Variants in ADH7 observed in about 807,000 individuals in gnomAD.
The protein encoded by ADH7 is all-trans-retinol dehydrogenase [NAD(+)] ADH7.
ADH7 carries 41 observed loss-of-function variants against 34.4 expected under a neutral mutation model. That is an observed-to-expected ratio of 1.19 (90% confidence interval 0.93 to 1.55). The LOEUF (loss-of-function observed/expected upper bound fraction) is 1.55. ADH7 is among the 40% of genes most tolerant of loss of function. The pLI is 0.00. For synonymous variants in ADH7, 180 were observed against 160.9 expected, an observed-to-expected ratio of 1.12 and a Z score of -0.90; for missense variants, 540 against 461.2, an observed-to-expected ratio of 1.17 and a Z score of -1.56.
intron 1 of ADH7, among the ~76,000 whole-genome samples, chr4:99,434,862 G>A (rs907092274): frequency 2.6e-5 from 4 of 152,280 alleles, no homozygotes; most frequent in African/African-American, 7.2e-5. Flanking sequence ...AGCGAGTGCA[G>A]CACATGCTAC....
intron 8 of ADH7, among the ~76,000 whole-genome samples, chr4:99,414,286 G>A (rs1251201219): frequency 6.6e-6 from 1 of 151,830 alleles, no homozygotes; most frequent in Non-Finnish European, 1.5e-5. Flanking sequence ...GACCAAATGT[G>A]GAGACAAGAC....
intron 5 of ADH7, among the ~76,000 whole-genome samples, chr4:99,421,236 C>T (rs572416935): frequency 2.0e-5 from 3 of 152,198 alleles, no homozygotes; most frequent in South Asian, 2.1e-4. Context: ...CATCATGCTA[C>T]CAGCCTTCAA....
chr4:99,428,692 ATATT>A lies in ADH7; in HGVS notation c.121-66_121-63del, dbSNP rs1163816125. The A allele has an allele frequency of 1.0e-5, 16 of 1,539,456 alleles. No homozygotes were observed. The African/African-American group carries it at 1.8e-4, about 17-fold the overall frequency. On this transcript the variant is annotated intron_variant, in intron 2 of 8. Coordinates refer to ENST00000437033, the MANE Select transcript of ADH7 (RefSeq NM_000673.7). Reference sequence around the variant, plus strand: ...AACTGATCATTTCACTGTTGGGAGAATATTTAACTTCTTGAAGAAATTATAATTG... The same window carrying A: ...AACTGATCATTTCACTGTTGGGAGAATAACTTCTTGAAGAAATTATAATTG...
At chr4:99,434,983 C>A in intron 1 of ADH7, 1 of 1,411,294 alleles carries the variant, frequency 7.1e-7, no homozygotes, top group South Asian at 1.2e-5. Flanking sequence ...TCTCTATTTT[C>A]CACCAATGTC....
intron 6 of ADH7, 116 bp from the exon 7 acceptor site, chr4:99,419,237 T>G (rs1579573193): frequency 7.7e-7 from 1 of 1,302,104 alleles, no homozygotes; most frequent in Non-Finnish European, 1.0e-6. Flanking sequence ...GCCACCTTGT[T>G]TTTTACTTGC....
Position 99,413,045 on chromosome 4 carries a change from A to G in ADH7, c.*103T>C. ...TATGTCTTCAACAAATCTTCTACTT[A>G]TGCTTGTATTTGTGAGACAGATACA... On this transcript the variant is annotated 3_prime_UTR_variant, in exon 9 of 9. Transcript: ENST00000437033. 2 of 1,212,150 alleles carry G rather than the reference A, an allele frequency of 1.6e-6. No homozygotes were observed. Among genetic ancestry groups the G allele is most frequent in the South Asian group, 2.5e-5 (2 of 78,720 alleles). 75.1% of individuals were successfully genotyped at this position (1,212,150 alleles called of 1,614,324 possible).
intron 5 of ADH7, among the ~76,000 whole-genome samples, chr4:99,426,900 G>A (rs1055831482): frequency 3.3e-5 from 5 of 152,058 alleles, no homozygotes; most frequent in African/African-American, 1.2e-4. Flanking sequence ...TGCAAGGCTG[G>A]TTCAATATAT....
At chr4:99,415,672 ATTATG>A (rs540438292) in intron 7 of ADH7, 56 bp from the exon 8 acceptor site, 140 of 1,529,038 alleles carry the variant, frequency 9.2e-5, no homozygotes, top group Non-Finnish European at 1.2e-4. Context: ...CTTATCTTTT[ATTATG>A]TTATATTTAT....
intron 1 of ADH7, among the ~76,000 whole-genome samples, chr4:99,433,952 C>T (rs1721992731): frequency 6.6e-6 from 1 of 152,118 alleles, no homozygotes; most frequent in Non-Finnish European, 1.5e-5. Flanking sequence ...TAAAGGGAAA[C>T]TCCTTTCAAG....
rs374421303 is a variant in ADH7 at position 99,428,415 on chromosome 4, C to T, written c.259+77G>A. The T allele has an allele frequency of 3.9e-5, 58 of 1,489,096 alleles. 1 individual carries two copies. The South Asian group carries it at 7.2e-4, about 19-fold the overall frequency. The allele number at this position is 1,489,096 out of a possible 1,614,324, so 92.2% of individuals were successfully genotyped here. ...GTGTTAAGGATCCCTCTAATAATTC[C>T]TAGTGTGTGCTATTTCCTTTGATAG... On this transcript the variant is annotated intron_variant, in intron 3 of 8. Coordinates refer to ENST00000437033, the MANE Select transcript of ADH7 (RefSeq NM_000673.7).
chr4:99,416,632 C>A (rs1480748943), intron 7 of ADH7, among the ~76,000 whole-genome samples: 1 of 152,088 alleles, frequency 6.6e-6, no homozygotes, highest in East Asian at 1.9e-4. Flanking sequence ...GTCCTTGGTC[C>A]ATTTCTGTTC....
Position 99,412,564 on chromosome 4 carries a change from C to A in ADH7, c.*584G>T, listed in dbSNP as rs1356827794. ...CATATGATATACTTTTTCAGTTTCA[C>A]CAAGTTATGTAATGATGATTCTTAA... is the stretch of plus-strand genomic sequence containing the variant. On this transcript the variant is annotated 3_prime_UTR_variant, in exon 9 of 9. Coordinates refer to ENST00000437033, the MANE Select transcript of ADH7 (RefSeq NM_000673.7). The A allele has an allele frequency of 6.6e-6, 1 of 152,034 alleles. No individual in the cohort carries two copies. The highest frequency in any genetic ancestry group is 1.5e-5 in the Non-Finnish European group (1 of 67,978). The allele number at this position is 152,034 out of a possible 1,614,324, so 9.4% of individuals were successfully genotyped here. A position where few individuals can be genotyped will look rare whatever the true frequency, so the allele number is the denominator to read the frequency against.
chr4:99,426,163 A>G (rs1721799824), intron 5 of ADH7, among the ~76,000 whole-genome samples: 1 of 152,204 alleles, frequency 6.6e-6, no homozygotes, highest in East Asian at 1.9e-4. Flanking sequence ...GAAAAACAAG[A>G]GCAAACACAT....
chr4:99,417,550 T>C (rs1040065943), intron 7 of ADH7, among the ~76,000 whole-genome samples: 10 of 152,182 alleles, frequency 6.6e-5, no homozygotes, highest in African/African-American at 2.2e-4. Flanking sequence ...TTACCCATCC[T>C]TTATTATTAT....
At chr4:99,424,983 G>A (rs1438066704) in intron 5 of ADH7, among the ~76,000 whole-genome samples, 1 of 151,958 alleles carries the variant, frequency 6.6e-6, no homozygotes, top group Non-Finnish European at 1.5e-5. Context: ...TCCAGTTTTT[G>A]CCCATTCAGT....
At chr4:99,430,026 G>A (rs1409611750) in intron 1 of ADH7, among the ~76,000 whole-genome samples, 1 of 152,192 alleles carries the variant, frequency 6.6e-6, no homozygotes, top group African/African-American at 2.4e-5. Context: ...TTATTCACAA[G>A]AGACAAATTT....
Position 99,420,659 on chromosome 4 carries a change from C to A in ADH7, c.699G>T (p.Met233Ile). 6.2e-7 allele frequency: 1 copy of A among 1,613,976 alleles called. No homozygotes were observed. Among genetic ancestry groups the A allele is most frequent in the Non-Finnish European group, 8.5e-7 (1 of 1,179,950 alleles). ...TGATACACTCAGTGGCACCTACAGCCATGGCCTTCTCAAATTTGTCTTTGT... is the reference window on the plus strand; with the variant it reads ...TGATACACTCAGTGGCACCTACAGCAATGGCCTTCTCAAATTTGTCTTTGT... ...DLNKDKFEKA[M>I]AVGATECISP... is the part of the protein sequence containing the mutation. Residue 233 changes from methionine to isoleucine, a missense_variant, in exon 6 of 9, where the codon ATG becomes ATT. Physicochemically the swap from Met to Ile is conservative, Grantham distance 10. Coordinates refer to ENST00000437033, the MANE Select transcript of ADH7 (RefSeq NM_000673.7).
intron 7 of ADH7, among the ~76,000 whole-genome samples, chr4:99,417,226 C>G (rs373346894): frequency 6.6e-6 from 1 of 152,088 alleles, no homozygotes; most frequent in Non-Finnish European, 1.5e-5. Flanking sequence ...GGTTTTATTT[C>G]TCTCTCAGAA....
At chr4:99,424,003 T>C (rs914605530) in intron 5 of ADH7, among the ~76,000 whole-genome samples, 3 of 152,006 alleles carry the variant, frequency 2.0e-5, no homozygotes, top group East Asian at 3.9e-4. Flanking sequence ...AGGGTTTTTA[T>C]GGTTTTAGGT....
Sources: allele counts gnomAD v4.1 joint callset (sites outside exome capture counted in the v4.1 genomes callset), GRCh38; gene constraint gnomAD v4.1.1; transcripts MANE v1.5; gene names NCBI Gene and HGNC (gene_info 2026-07-23, HGNC 2026-07-21).